WDR70: variants seen among roughly 807,000 people sequenced by gnomAD.
WDR70 encodes WD repeat domain 70.
Under a neutral mutation model 88.6 loss-of-function variants are expected in WDR70, and 53 were observed. The observed-to-expected ratio is 0.60, with a 90% confidence interval of 0.48 to 0.75. The LOEUF (loss-of-function observed/expected upper bound fraction) is 0.75. Ranked by LOEUF, WDR70 falls within the 30% of genes least tolerant of loss-of-function variation. The pLI, the probability that WDR70 is intolerant of heterozygous loss-of-function variation, is 0.00. For synonymous variants in WDR70, 280 were observed against 270.0 expected, an observed-to-expected ratio of 1.04 and a Z score of -0.36; for missense variants, 610 against 823.2, an observed-to-expected ratio of 0.74 and a Z score of 3.17.
intron 10 of WDR70, among the ~76,000 whole-genome samples, chr5:37,692,799 C>T (rs1239445517): frequency 6.6e-6 from 1 of 152,126 alleles, no homozygotes; most frequent in African/African-American, 2.4e-5. Flanking sequence ...CCTTTGAAAA[C>T]CAGCACAAGA....
chr5:37,615,407 T>C (rs907040156), intron 10 of WDR70, among the ~76,000 whole-genome samples: 2 of 152,134 alleles, frequency 1.3e-5, no homozygotes, highest in Non-Finnish European at 2.9e-5. Context: ...GAGAAGATTT[T>C]ACTCACAGGG....
intron 17 of WDR70, among the ~76,000 whole-genome samples, chr5:37,745,291 A>G (rs1035850188): frequency 1.3e-5 from 2 of 151,834 alleles, no homozygotes; most frequent in Non-Finnish European, 2.9e-5. Flanking sequence ...AAATATGGAA[A>G]GGAAAAACCA....
At chr5:37,499,587 T>TTTTCTC (rs1554144047) in intron 8 of WDR70, among the ~76,000 whole-genome samples, 3,370 of 41,690 alleles carry the variant, frequency 0.081, 188 homozygotes, top group East Asian at 0.15. Flanking sequence ...TTTGGAAATA[T>TTTTCTC]TCTCTCTCTC....
chr5:37,382,722 C>A (rs1374064357), intron 3 of WDR70, among the ~76,000 whole-genome samples: 1 of 152,036 alleles, frequency 6.6e-6, no homozygotes, highest in African/African-American at 2.4e-5. Flanking sequence ...CATTTTAAGA[C>A]CAACAATGGG....
intron 5 of WDR70, among the ~76,000 whole-genome samples, chr5:37,413,868 G>A (rs768664415): frequency 1.8e-4 from 27 of 151,758 alleles, no homozygotes; most frequent in Admixed American, 3.9e-4. Flanking sequence ...AGATCTTGCC[G>A]GGCACAGTGG....
intron 10 of WDR70, among the ~76,000 whole-genome samples, chr5:37,617,830 T>C (rs1040655975): frequency 6.6e-6 from 1 of 152,140 alleles, no homozygotes; most frequent in Non-Finnish European, 1.5e-5. Flanking sequence ...ACTTAAAAGG[T>C]GAAACATATA....
intron 17 of WDR70, among the ~76,000 whole-genome samples, chr5:37,728,003 A>G (rs769094534): frequency 2.0e-5 from 3 of 152,140 alleles, no homozygotes; most frequent in Non-Finnish European, 4.4e-5. Context: ...AACACTTTAC[A>G]TAATCTTAGT....
chr5:37,744,982 A>G (rs7722257), intron 17 of WDR70, among the ~76,000 whole-genome samples: 19,172 of 152,074 alleles, frequency 0.13, 2,532 homozygotes, highest in African/African-American at 0.34. Context: ...ACCCTTAATC[A>G]TTGGATTCTC....
At chr5:37,715,496 G>A (rs1418780521) in intron 13 of WDR70, among the ~76,000 whole-genome samples, 2 of 152,144 alleles carry the variant, frequency 1.3e-5, no homozygotes, top group East Asian at 3.9e-4. Context: ...CCATTGAGGG[G>A]ATATCTGTAG....
At chr5:37,566,653 C>T (rs1274572415) in intron 9 of WDR70, among the ~76,000 whole-genome samples, 1 of 152,114 alleles carries the variant, frequency 6.6e-6, no homozygotes, top group Non-Finnish European at 1.5e-5. Flanking sequence ...TTATTTATTT[C>T]CTGGAACAAA....
At chr5:37,668,079 C>A (rs1425155211) in intron 10 of WDR70, among the ~76,000 whole-genome samples, 2 of 152,110 alleles carry the variant, frequency 1.3e-5, no homozygotes, top group South Asian at 2.1e-4. Flanking sequence ...CAAAGCAAAA[C>A]AAAACAAAAC....
rs188450812 is a variant in WDR70 at position 37,549,765 on chromosome 5, C to A, written c.917+33175C>A. 8.6e-3 allele frequency among the ~76,000 whole-genome samples: 1,307 copies of A among 152,220 alleles called. 18 individuals are homozygous for A. Among genetic ancestry groups the A allele is most frequent in the African/African-American group, 0.03 (1,244 of 41,532 alleles). Reference sequence around the variant, plus strand: ...TTTCTCCTATTCAGTATGATACTAGCTGTGGGTCTGTCATACATGGCTTTT... The same window carrying A: ...TTTCTCCTATTCAGTATGATACTAGATGTGGGTCTGTCATACATGGCTTTT... On this transcript the variant is annotated intron_variant, in intron 9 of 17. Transcript: ENST00000265107.
chr5:37,693,713 G>T (rs1350659806), intron 10 of WDR70, among the ~76,000 whole-genome samples: 1 of 152,128 alleles, frequency 6.6e-6, no homozygotes, highest in Non-Finnish European at 1.5e-5. Context: ...ATTCAAGATG[G>T]ATTAAAGACT....
intron 9 of WDR70, among the ~76,000 whole-genome samples, chr5:37,520,172 T>G (rs2112271439): frequency 6.6e-6 from 1 of 152,324 alleles, no homozygotes; most frequent in Non-Finnish European, 1.5e-5. Context: ...AAGAACTTTT[T>G]TATTCTTAGG....
chr5:37,526,395 C>T (rs1213849614), intron 9 of WDR70, among the ~76,000 whole-genome samples: 2 of 152,148 alleles, frequency 1.3e-5, no homozygotes, highest in African/African-American at 4.8e-5. Flanking sequence ...ATGATTATCT[C>T]AATAGATGCA....
intron 17 of WDR70, among the ~76,000 whole-genome samples, chr5:37,729,957 C>T (rs984280268): frequency 1.1e-4 from 16 of 152,072 alleles, no homozygotes; most frequent in African/African-American, 3.6e-4. Context: ...GTGTATCTTT[C>T]GGGTATTTCT....
chr5:37,633,647 C>T (rs989433852), intron 10 of WDR70, among the ~76,000 whole-genome samples: 6 of 151,862 alleles, frequency 4.0e-5, no homozygotes, highest in African/African-American at 1.5e-4. Context: ...GAATGTCTTC[C>T]CACACATGAA....
chr5:37,700,400 C>T (rs11953199), intron 11 of WDR70: 42,691 of 152,272 alleles, frequency 0.28, 9,364 homozygotes, highest in African/African-American at 0.62. Flanking sequence ...TTCTCTGTAT[C>T]GTTCCAGTCT....
intron 9 of WDR70, among the ~76,000 whole-genome samples, chr5:37,530,402 G>T (rs1279857352): frequency 6.6e-6 from 1 of 151,974 alleles, no homozygotes; most frequent in East Asian, 1.9e-4. Flanking sequence ...TTGAATGTCT[G>T]ATAGAATTTA....
Sources: gnomAD v4.1 joint callset for allele counts (sites outside exome capture counted in the v4.1 genomes callset) on GRCh38, gnomAD v4.1.1 for gene constraint, MANE v1.5 for transcripts, NCBI Gene and HGNC (gene_info 2026-07-23, HGNC 2026-07-21) for gene names.